The following CNGB3 variants were observed in gnomAD, a reference collection of about 807,000 sequenced individuals.
The protein encoded by CNGB3 is cyclic nucleotide gated channel subunit beta 3.
In CNGB3, 86 loss-of-function variants were observed where a neutral mutation model predicts 92.8. The observed-to-expected ratio is 0.93, with a 90% CI of 0.78 to 1.11. CNGB3 has a LOEUF of 1.11. Ranked by LOEUF, CNGB3 falls within the 50% of genes least tolerant of loss-of-function variation. CNGB3 has a pLI of 0.00. For synonymous variants in CNGB3, 333 were observed against 332.7 expected, an observed-to-expected ratio of 1.00 and a Z score of -0.01; for missense variants, 1,026 against 956.8, an observed-to-expected ratio of 1.07 and a Z score of -0.95.
chr8:86,598,352 C>G (rs997300067), intron 15 of CNGB3, among the ~76,000 whole-genome samples: 5 of 152,186 alleles, frequency 3.3e-5, no homozygotes, highest in African/African-American at 1.2e-4. Context: ...TGATTTGTGA[C>G]TTTCTTTGGT....
chr8:86,594,336 C>A (rs1055380131), intron 15 of CNGB3: 13 of 327,010 alleles, frequency 4.0e-5, no homozygotes, highest in South Asian at 2.7e-5. Context: ...GATTCGTCCA[C>A]CAGCCCATGC....
chr8:86,691,894 G>C (rs1837744), intron 3 of CNGB3, among the ~76,000 whole-genome samples: 83,587 of 151,290 alleles, frequency 0.55, 23,791 homozygotes, highest in South Asian at 0.71. Context: ...CACTGCTTTT[G>C]CTGTATCCAA....
intron 15 of CNGB3, 22 bp downstream of exon 15, chr8:86,604,071 T>C (rs375292073): frequency 1.5e-5 from 22 of 1,450,360 alleles, no homozygotes; most frequent in Non-Finnish European, 2.1e-5. Flanking sequence ...ACTTCAATAT[T>C]TATGAAGTAT....
At chr8:86,685,280 G>T (rs1824164501) in intron 3 of CNGB3, among the ~76,000 whole-genome samples, 1 of 152,038 alleles carries the variant, frequency 6.6e-6, no homozygotes, top group African/African-American at 2.4e-5. Context: ...GCAGAACCTG[G>T]AGTTCTATAA....
At chr8:86,598,545 TTTA>T (rs1585959930) in intron 15 of CNGB3, among the ~76,000 whole-genome samples, 1 of 152,194 alleles carries the variant, frequency 6.6e-6, no homozygotes, top group East Asian at 1.9e-4. Flanking sequence ...ACCACAAAAA[TTTA>T]TTATCTCACA....
intron 3 of CNGB3, among the ~76,000 whole-genome samples, chr8:86,713,482 A>G (rs1216787132): frequency 6.6e-6 from 1 of 152,204 alleles, no homozygotes; most frequent in Non-Finnish European, 1.5e-5. Flanking sequence ...TAAACTTGAA[A>G]CAACTGTTCT....
At chr8:86,591,950 C>G (rs530841266) in intron 15 of CNGB3, among the ~76,000 whole-genome samples, 1 of 152,380 alleles carries the variant, frequency 6.6e-6, no homozygotes, top group South Asian at 2.1e-4. Context: ...TCGCTGCCAC[C>G]TTGCAGTTTG....
chr8:86,590,092 A>G (rs1821993819), intron 15 of CNGB3, among the ~76,000 whole-genome samples: 1 of 151,750 alleles, frequency 6.6e-6, no homozygotes, highest in Non-Finnish European at 1.5e-5. Flanking sequence ...ACCATTATGT[A>G]ATGGCCTTCT....
intron 13 of CNGB3, among the ~76,000 whole-genome samples, chr8:86,622,164 A>C (rs1328631741): frequency 6.6e-6 from 1 of 152,214 alleles, no homozygotes; most frequent in East Asian, 1.9e-4. Context: ...GTGTGTATAT[A>C]CAAATACATC....
rs113205941 is a variant in CNGB3 at position 86,636,343 on chromosome 8, G to A, written c.1179-3450C>T. 8.0e-4 allele frequency among the ~76,000 whole-genome samples: 121 copies of A among 151,872 alleles called. 1 individual carries two copies. In the South Asian group the frequency reaches 0.012, roughly 15 times the overall value. Reference sequence around the variant, plus strand: ...TCCCAGTGCTTTGGTAGGCTGAGGCGGGTGGATCACTTGAGGTTGGGAGTT... The same window carrying A: ...TCCCAGTGCTTTGGTAGGCTGAGGCAGGTGGATCACTTGAGGTTGGGAGTT... On this transcript the variant is annotated intron_variant, in intron 10 of 17. Transcript: ENST00000320005.
At chr8:86,659,543 T>A in intron 6 of CNGB3, 1 of 589,764 alleles carries the variant, frequency 1.7e-6, no homozygotes, top group South Asian at 1.7e-5. Context: ...CTCTCCTTGG[T>A]TAACTCTTTG....
rs996469702 is a variant in CNGB3 at position 86,659,226 on chromosome 8, C to CCTT, written c.853-5167_853-5165dup. On this transcript the variant is annotated intron_variant, in intron 6 of 17. Transcript: ENST00000320005. The stretch of plus-strand genomic sequence containing the variant: ...CCTCTGCTACCGCATGGCCCTCCCT[C>CCTT]CTTTCAGATTTTCAGTATATTGGTC... 10 of 739,802 alleles carry CCTT rather than the reference C, an allele frequency of 1.4e-5. No homozygotes were observed. The Admixed American group carries it at 1.5e-4, about 11-fold the overall frequency. The allele number at this position is 739,802 out of a possible 1,614,324, so 45.8% of individuals were successfully genotyped here.
intron 3 of CNGB3, among the ~76,000 whole-genome samples, chr8:86,694,377 C>CGGGGTGGCT (rs1824400309): frequency 6.8e-6 from 1 of 147,290 alleles, no homozygotes; most frequent in African/African-American, 2.5e-5. Flanking sequence ...CCCTCCCGGA[C>CGGGGTGGCT]GGGGTGGCTG....
intron 15 of CNGB3, among the ~76,000 whole-genome samples, chr8:86,587,416 C>A (rs868230090): frequency 1.3e-5 from 2 of 152,154 alleles, no homozygotes; most frequent in Middle Eastern, 6.8e-3. Flanking sequence ...CTTGCCCATG[C>A]CTATGTCCTG....
At chr8:86,603,623 G>A (rs957531610) in intron 15 of CNGB3, among the ~76,000 whole-genome samples, 1 of 152,168 alleles carries the variant, frequency 6.6e-6, no homozygotes, top group African/African-American at 2.4e-5. Context: ...TTAAGGTGAG[G>A]AAACTGAGGA....
intron 15 of CNGB3, among the ~76,000 whole-genome samples, chr8:86,599,992 G>A (rs1020345363): frequency 4.6e-5 from 7 of 152,072 alleles, no homozygotes; most frequent in East Asian, 3.9e-4. Context: ...GGGACATCAC[G>A]GAACCTGGTG....
Position 86,575,931 on chromosome 8 carries a change from T to G in CNGB3, c.2303A>C (p.His768Pro), listed in dbSNP as rs758454854. ...ASPIAVEEEP[H>P]SVRRTVLPRG... ...GGGTAAAACTGTCCTTCTAACTGAG[T>G]GGGGTTCTTCCTCCACTGCAATAGG... Residue 768 changes from histidine (H) to proline (P), a missense_variant, in exon 18 of 18, where the codon CAC (histidine) becomes CCC (proline). His to Pro is a moderately conservative substitution (Grantham distance 77). Coordinates refer to ENST00000320005, the MANE Select transcript of CNGB3 (RefSeq NM_019098.5). 7 of 1,613,822 alleles carry G rather than the reference T, an allele frequency of 4.3e-6. No individual in the cohort carries two copies. The highest frequency in any genetic ancestry group is 5.9e-6 in the Non-Finnish European group (7 of 1,179,964).
At chr8:86,632,656 A>G (rs1822984428) in intron 11 of CNGB3, 96 bp downstream of exon 11, 2 of 1,299,390 alleles carry the variant, frequency 1.5e-6, no homozygotes, top group South Asian at 2.6e-5. Context: ...AAGAAGAACC[A>G]GACAGATTTT....
In CNGB3 at chr8:86,736,631, G is replaced by A. The variant is rs188767769; in HGVS notation, c.211+3024C>T. Among the ~76,000 whole-genome samples, 155 of 151,958 alleles carry A rather than the reference G, an allele frequency of 1.0e-3. 1 individual carries two copies. The East Asian group carries it at 0.022, about 22-fold the overall frequency. ...TTATCAGAATGTTTCTCTCTTCCTC[G>A]GTACTTCCATTTGTTAATCACATTT... On this transcript the variant is annotated intron_variant, in intron 2 of 17. Transcript: ENST00000320005.
Sources: allele counts gnomAD v4.1 joint callset (sites outside exome capture counted in the v4.1 genomes callset), GRCh38; gene constraint gnomAD v4.1.1; transcripts MANE v1.5; gene names NCBI Gene and HGNC (gene_info 2026-07-23, HGNC 2026-07-21).